The following RYR3 variants were observed in gnomAD, a reference collection of about 807,000 sequenced individuals.
RYR3 encodes brain ryanodine receptor-calcium release channel.
Under a neutral mutation model 584.3 loss-of-function variants are expected in RYR3, and 207 were observed. The observed-to-expected ratio is 0.35, with a 90% CI of 0.32 to 0.40. The LOEUF is 0.40. Among genes scored for constraint, RYR3 ranks in the 10% least tolerant of loss-of-function variants. RYR3 has a pLI of 1.00. For synonymous variants in RYR3, 2,416 were observed against 2,248.5 expected (o/e 1.07, Z -2.11); for missense variants, 5,616 against 6,089.2 (o/e 0.92, Z 2.59).
intron 64 of RYR3, among the ~76,000 whole-genome samples, chr15:33,779,553 CAGAGA>C (rs1389710042): frequency 2.1e-4 from 32 of 152,112 alleles, no homozygotes; most frequent in South Asian, 4.1e-4. Flanking sequence ...CCATCCATAG[CAGAGA>C]AGAGACACAG....
intron 10 of RYR3, among the ~76,000 whole-genome samples, 192 bp downstream of exon 10, chr15:33,550,508 G>T (rs2056601483): frequency 6.6e-6 from 1 of 152,224 alleles, no homozygotes; most frequent in African/African-American, 2.4e-5. Flanking sequence ...CTTGGATGAA[G>T]GTTGAAGTCT....
intron 49 of RYR3, 38 bp from the exon 50 acceptor site, chr15:33,738,412 T>G: frequency 6.3e-7 from 1 of 1,582,642 alleles, no homozygotes. Context: ...ACTTTCTCTA[T>G]GCCACCCCGC....
chr15:33,772,760 T>C (rs2073678007), intron 63 of RYR3, among the ~76,000 whole-genome samples: 1 of 152,254 alleles, frequency 6.6e-6, no homozygotes, highest in African/African-American at 2.4e-5. Context: ...TAGCTAAGAC[T>C]ATGTCTTTCA....
intron 32 of RYR3, among the ~76,000 whole-genome samples, chr15:33,655,197 G>A (rs1472292773): frequency 6.6e-6 from 1 of 152,190 alleles, no homozygotes; most frequent in Non-Finnish European, 1.5e-5. Context: ...AGGCTTTGAG[G>A]CAGAAAGTAA....
chr15:33,690,942 A>G (rs2065379078), intron 38 of RYR3, among the ~76,000 whole-genome samples: 1 of 152,236 alleles, frequency 6.6e-6, no homozygotes, highest in South Asian at 2.1e-4. Context: ...ATTTCTTTGC[A>G]TGATTATAAA....
chr15:33,413,025 A>G (rs73380436), intron 1 of RYR3, among the ~76,000 whole-genome samples: 4,950 of 152,266 alleles, frequency 0.033, 279 homozygotes, highest in African/African-American at 0.11. Flanking sequence ...TACCATCCTG[A>G]TAATTAGGAT....
chr15:33,836,772 A>C (rs1197767842), intron 87 of RYR3, 134 bp from the exon 88 acceptor site: 1 of 614,718 alleles, frequency 1.6e-6, no homozygotes, highest in East Asian at 2.8e-5. Flanking sequence ...CCTCATTCAG[A>C]ATGAGAAGGA....
intron 13 of RYR3, among the ~76,000 whole-genome samples, chr15:33,581,259 G>A (rs1567588683): frequency 6.6e-6 from 1 of 152,098 alleles, no homozygotes; most frequent in Non-Finnish European, 1.5e-5. Flanking sequence ...TTAAGCACGT[G>A]GGGGCAACCC....
At chr15:33,545,231 T>C (rs946142194) in intron 8 of RYR3, among the ~76,000 whole-genome samples, 2 of 152,154 alleles carry the variant, frequency 1.3e-5, no homozygotes, top group Admixed American at 6.5e-5. Flanking sequence ...TCATCAAAAT[T>C]AGAGCCAAAT....
At chr15:33,723,460 C>T (rs1310327636) in intron 44 of RYR3, among the ~76,000 whole-genome samples, 2 of 152,200 alleles carry the variant, frequency 1.3e-5, no homozygotes, top group South Asian at 4.1e-4. Flanking sequence ...GTCTGATTGT[C>T]TTACTTTCCC....
chr15:33,804,514 T>G (rs997836920), intron 69 of RYR3, among the ~76,000 whole-genome samples: 3 of 152,228 alleles, frequency 2.0e-5, no homozygotes, highest in African/African-American at 7.2e-5. Flanking sequence ...GCTTACTTCC[T>G]GACTTCTCCC....
chr15:33,505,305 C>G (rs973148671), intron 3 of RYR3, among the ~76,000 whole-genome samples: 2 of 152,176 alleles, frequency 1.3e-5, no homozygotes, highest in Non-Finnish European at 2.9e-5. Flanking sequence ...TTTTTTCACT[C>G]TTTTGATTTA....
At chr15:33,716,598 A>G (rs1596295963) in intron 43 of RYR3, among the ~76,000 whole-genome samples, 2 of 152,202 alleles carry the variant, frequency 1.3e-5, no homozygotes, top group Admixed American at 1.3e-4. Flanking sequence ...AAAGAAGCCA[A>G]TGGCAAACCT....
chr15:33,746,840 G>A (rs1249575490), intron 53 of RYR3, among the ~76,000 whole-genome samples: 6 of 134,996 alleles, frequency 4.4e-5, no homozygotes, highest in Non-Finnish European at 9.3e-5. Flanking sequence ...GCAGGGTCTC[G>A]TTCTGTCACT....
At chr15:33,494,081 A>G (rs751910695) in intron 2 of RYR3, among the ~76,000 whole-genome samples, 3 of 142,478 alleles carry the variant, frequency 2.1e-5, no homozygotes, top group South Asian at 2.3e-4. Context: ...AGGAATAGGC[A>G]AAGAAACAGT....
At chr15:33,403,054 T>C (rs1304673059) in intron 1 of RYR3, among the ~76,000 whole-genome samples, 1 of 152,224 alleles carries the variant, frequency 6.6e-6, no homozygotes, top group Non-Finnish European at 1.5e-5. Context: ...ATATTTTATT[T>C]TAGTTTGTAT....
At chr15:33,458,146 G>C (rs986943590) in intron 1 of RYR3, among the ~76,000 whole-genome samples, 1 of 152,138 alleles carries the variant, frequency 6.6e-6, no homozygotes, top group East Asian at 1.9e-4. Flanking sequence ...TGGAAGAGAT[G>C]AGCACTTAGT....
At chr15:33,718,920 C>T (rs1252117873) in intron 43 of RYR3, among the ~76,000 whole-genome samples, 1 of 152,154 alleles carries the variant, frequency 6.6e-6, no homozygotes, top group Admixed American at 6.5e-5. Flanking sequence ...GTTGCAAGCC[C>T]TTGGGCAAAA....
intron 34 of RYR3, 44 bp from the exon 35 acceptor site, chr15:33,662,109 G>A (rs1256866114): frequency 8.1e-6 from 12 of 1,482,720 alleles, no homozygotes; most frequent in Admixed American, 4.4e-5. Flanking sequence ...ATTCTGGTGG[G>A]TTCTTCTCCC....
Sources: gnomAD v4.1 joint callset for allele counts (sites outside exome capture counted in the v4.1 genomes callset) on GRCh38, gnomAD v4.1.1 for gene constraint, MANE v1.5 for transcripts, NCBI Gene and HGNC (gene_info 2026-07-23, HGNC 2026-07-21) for gene names.